GRIK4: variants seen among roughly 807,000 people sequenced by gnomAD.
GRIK4 encodes the protein glutamate ionotropic receptor kainate type subunit 4, also known as glutamate receptor ionotropic, kainate 4.
GRIK4 carries 40 observed loss-of-function variants against 104.9 expected under a neutral mutation model. The observed-to-expected ratio is 0.38, with a 90% CI of 0.30 to 0.50. The LOEUF is 0.50. GRIK4 is among the 20% of genes least tolerant of loss of function. The pLI is 0.93. For missense variants in GRIK4, 1,047 were observed against 1,308.1 expected (o/e 0.80, Z 3.08); for synonymous variants, 485 against 524.9 (o/e 0.92, Z 1.04).
rs1942795484 is a variant in GRIK4 at position 120,903,503 on chromosome 11, A to G, written c.1273-1787A>G. Among the ~76,000 whole-genome samples, 1 of 151,850 alleles carries G rather than the reference A, an allele frequency of 6.6e-6. No homozygotes were observed. The highest frequency in any genetic ancestry group is 2.4e-5 in the African/African-American group (1 of 41,314). On this transcript the variant is annotated intron_variant, in intron 12 of 20. Transcript: ENST00000527524. This position sits in a 1 kb window ranked among gnomAD's most constrained non-coding sequence, Gnocchi z 4.4. ...CTGGGCCCTTGCTCCACCAGCTAGC[A>G]TGGTTCTTTCCTCCTCTTTTCTCCC...
rs1475562497 is a variant in GRIK4 at position 120,534,194 on chromosome 11, G to A, written c.-159+22307G>A. ...GGTGGTGGGTGGTGGGTGGAAGGCA[G>A]GTGTTTACGTGAGGCTCAGATTCTT... On this transcript the variant is annotated intron_variant, in intron 1 of 20. Coordinates refer to ENST00000527524, the MANE Select transcript of GRIK4 (RefSeq NM_014619.5). 2.0e-5 allele frequency among the ~76,000 whole-genome samples: 3 copies of A among 152,170 alleles called. No individual in the cohort carries two copies. The East Asian group carries it at 5.8e-4, about 29-fold the overall frequency.
intron 3 of GRIK4, among the ~76,000 whole-genome samples, chr11:120,733,745 T>C (rs77452690): frequency 6.6e-6 from 1 of 150,942 alleles, no homozygotes; most frequent in African/African-American, 2.4e-5. Flanking sequence ...CCTTTTTTTT[T>C]TTTTTTTTTT....
chr11:120,603,244 C>A (rs942287965), intron 1 of GRIK4, among the ~76,000 whole-genome samples: 1 of 152,228 alleles, frequency 6.6e-6, no homozygotes, highest in African/African-American at 2.4e-5. Context: ...GCCACAGGCC[C>A]ACCTCTCCCT....
chr11:120,546,357 G>C (rs2252489), intron 1 of GRIK4, among the ~76,000 whole-genome samples: 1 of 152,112 alleles, frequency 6.6e-6, no homozygotes, highest in African/African-American at 2.4e-5. Flanking sequence ...CGGAAAAGTG[G>C]TCAGGGGCAT....
chr11:120,864,701 A>C (rs1954359560), intron 9 of GRIK4, among the ~76,000 whole-genome samples: 1 of 152,198 alleles, frequency 6.6e-6, no homozygotes, highest in Non-Finnish European at 1.5e-5. Context: ...CTCTAAGGGT[A>C]TCTTCCTTTG....
intron 10 of GRIK4, 132 bp downstream of exon 10, chr11:120,874,350 G>A: frequency 1.5e-6 from 1 of 682,614 alleles, no homozygotes; most frequent in South Asian, 2.0e-5. Context: ...AGATAAATCA[G>A]TGATCTCTGG....
At chr11:120,593,792 C>G (rs148709659) in intron 1 of GRIK4, among the ~76,000 whole-genome samples, 3 of 152,272 alleles carry the variant, frequency 2.0e-5, no homozygotes, top group Admixed American at 1.3e-4. Flanking sequence ...CTTCCCAAAT[C>G]TGTTTCTACC....
chr11:120,822,211 CA>C (rs34732807), intron 6 of GRIK4, among the ~76,000 whole-genome samples: 20,850 of 71,940 alleles, frequency 0.29, 1,504 homozygotes, highest in East Asian at 0.41. Context: ...AACCCTATCT[CA>C]AAAAAAAAAA....
chr11:120,593,044 C>T (rs1458124239), intron 1 of GRIK4, among the ~76,000 whole-genome samples: 1 of 151,954 alleles, frequency 6.6e-6, no homozygotes, highest in Admixed American at 6.6e-5. Context: ...ATCAGCTGGG[C>T]TGGTGGCGCA....
intron 1 of GRIK4, among the ~76,000 whole-genome samples, chr11:120,650,820 A>C (rs1231340601): frequency 6.6e-6 from 1 of 152,210 alleles, no homozygotes; most frequent in African/African-American, 2.4e-5. Flanking sequence ...AACAACATAG[A>C]TCTTTTGGCC....
intron 1 of GRIK4, among the ~76,000 whole-genome samples, chr11:120,628,814 C>T (rs942359061): frequency 6.6e-6 from 1 of 152,110 alleles, no homozygotes; most frequent in Admixed American, 6.5e-5. Flanking sequence ...TTTCTTATAC[C>T]GTGAAAAATA....
chr11:120,565,231 G>A (rs1281964035), intron 1 of GRIK4, among the ~76,000 whole-genome samples: 1 of 152,216 alleles, frequency 6.6e-6, no homozygotes, highest in South Asian at 2.1e-4. Context: ...TGTCGCCACC[G>A]GCTGCTGACC....
intron 1 of GRIK4, among the ~76,000 whole-genome samples, chr11:120,634,507 C>T (rs919838332): frequency 2.0e-5 from 3 of 152,104 alleles, no homozygotes; most frequent in African/African-American, 7.2e-5. Flanking sequence ...GCCAGGGCCT[C>T]GCCTTGGCCT....
chr11:120,886,760 C>T (rs922113496), intron 11 of GRIK4, among the ~76,000 whole-genome samples: 3 of 152,214 alleles, frequency 2.0e-5, no homozygotes, highest in African/African-American at 7.2e-5. Context: ...CCTACAGTGG[C>T]CCTTTCTCTG....
chr11:120,910,615 C>G (rs1004942358), intron 13 of GRIK4, among the ~76,000 whole-genome samples: 1 of 152,172 alleles, frequency 6.6e-6, no homozygotes, highest in Non-Finnish European at 1.5e-5. Flanking sequence ...GAAGCAGATG[C>G]CCCAGGACTA....
intron 11 of GRIK4, among the ~76,000 whole-genome samples, chr11:120,897,983 GA>G: frequency 6.6e-6 from 1 of 152,170 alleles, no homozygotes; most frequent in East Asian, 1.9e-4. Flanking sequence ...CTGGGGTTCT[GA>G]AAGATGTGAA....
chr11:120,560,369 G>T (rs547376950), intron 1 of GRIK4, among the ~76,000 whole-genome samples: 1 of 152,130 alleles, frequency 6.6e-6, no homozygotes, highest in African/African-American at 2.4e-5. Flanking sequence ...AGATTTTAAG[G>T]TCATGATAGA....
chr11:120,962,929 T>G (rs1045232281), intron 18 of GRIK4: 32 of 400,508 alleles, frequency 8.0e-5, no homozygotes, highest in African/African-American at 5.3e-4. Flanking sequence ...GATTGATTAA[T>G]TGACTAATTT....
intron 14 of GRIK4, among the ~76,000 whole-genome samples, chr11:120,946,148 T>C (rs560528395): frequency 6.6e-6 from 1 of 152,372 alleles, no homozygotes; most frequent in East Asian, 1.9e-4. Context: ...CAAAACCATT[T>C]CTATTTGACG....
Sources: gnomAD v4.1 joint callset for allele counts (sites outside exome capture counted in the v4.1 genomes callset) on GRCh38, gnomAD v4.1.1 for gene constraint, Gnocchi (gnomAD v3.1) non-coding constraint, MANE v1.5 for transcripts, NCBI Gene and HGNC (gene_info 2026-07-23, HGNC 2026-07-21) for gene names.